GRIN3A: variants seen among roughly 807,000 people sequenced by gnomAD.
GRIN3A encodes glutamate receptor ionotropic, NMDA 3A.
GRIN3A carries 47 observed loss-of-function variants against 92.4 expected under a neutral mutation model. The ratio of observed to expected loss-of-function variants is 0.51; its 90% CI spans 0.40 to 0.65. The LOEUF is 0.65. Ranked by LOEUF, GRIN3A falls within the 30% of genes least tolerant of loss-of-function variation. The probability of loss-of-function intolerance (pLI) is 0.00; values close to 1 mark genes in which losing one functional copy is unlikely to be tolerated. For missense variants in GRIN3A, 1,324 were observed against 1,393.1 expected, an observed-to-expected ratio of 0.95 and a Z score of 0.79; for synonymous variants, 527 against 540.6, an observed-to-expected ratio of 0.97 and a Z score of 0.35.
At chr9:101,680,904 T>C (rs905076527) in intron 2 of GRIN3A, among the ~76,000 whole-genome samples, 1 of 152,170 alleles carries the variant, frequency 6.6e-6, no homozygotes, top group Admixed American at 6.5e-5. Context: ...GGATTCTACA[T>C]CCCAATTAGA....
At chr9:101,729,369 C>T (rs1830114218) in intron 1 of GRIN3A, among the ~76,000 whole-genome samples, 1 of 152,138 alleles carries the variant, frequency 6.6e-6, no homozygotes, top group South Asian at 2.1e-4. Context: ...GGGTGGCATT[C>T]TTTCTGGAGC....
At chr9:101,607,833 G>C (rs1828307447) in intron 6 of GRIN3A, among the ~76,000 whole-genome samples, 1 of 152,202 alleles carries the variant, frequency 6.6e-6, no homozygotes, top group African/African-American at 2.4e-5. Context: ...TTTTCTGGGA[G>C]AAAGTTAAGA....
chr9:101,676,948 A>T (rs1829405175), intron 2 of GRIN3A, among the ~76,000 whole-genome samples: 1 of 151,560 alleles, frequency 6.6e-6, no homozygotes. Flanking sequence ...ATCTACGACG[A>T]ATCTTCTAAT....
chr9:101,710,399 T>G (rs1829864310), intron 1 of GRIN3A, among the ~76,000 whole-genome samples: 1 of 152,204 alleles, frequency 6.6e-6, no homozygotes, highest in Non-Finnish European at 1.5e-5. Flanking sequence ...ATGCAAATAC[T>G]GGTAATCTTT....
At chr9:101,620,173 G>T (rs55889755) in intron 5 of GRIN3A, among the ~76,000 whole-genome samples, 18,326 of 152,096 alleles carry the variant, frequency 0.12, 1,960 homozygotes, top group African/African-American at 0.29. Context: ...AAAAGAAATT[G>T]GTTTCTTATA....
At chr9:101,731,811 A>G (rs1006881833) in intron 1 of GRIN3A, among the ~76,000 whole-genome samples, 4 of 152,180 alleles carry the variant, frequency 2.6e-5, no homozygotes, top group Admixed American at 1.3e-4. Context: ...CTCTTAGCTC[A>G]CCTCTTCCCC....
rs192823168 is a variant in GRIN3A at position 101,580,730 on chromosome 9, G to A, written c.2767-1370C>T. On this transcript the variant is annotated intron_variant, in intron 6 of 8. Transcript: ENST00000361820. ...CTGCCAAGTGTTTTACATTAAAATA[G>A]ATATATAACGTCTATTTTATAACTA... Among the ~76,000 whole-genome samples the A allele has an allele frequency of 2.3e-3, 351 of 152,334 alleles. 1 individual carries two copies. The highest frequency in any genetic ancestry group is 4.3e-3 in the Non-Finnish European group (291 of 68,032).
At chr9:101,674,057 G>T (rs1399806296) in intron 2 of GRIN3A, among the ~76,000 whole-genome samples, 2 of 152,034 alleles carry the variant, frequency 1.3e-5, no homozygotes, top group Non-Finnish European at 2.9e-5. Flanking sequence ...GCTGGGAAAT[G>T]ATGTTGTCAT....
At chr9:101,646,064 A>C (rs1328840367) in intron 3 of GRIN3A, among the ~76,000 whole-genome samples, 1 of 151,702 alleles carries the variant, frequency 6.6e-6, no homozygotes. Flanking sequence ...GTGGTACAGA[A>C]ACCTTTTAGC....
Position 101,579,242 on chromosome 9 carries a change from C to A in GRIN3A, c.2885G>T (p.Arg962Leu). 3.7e-6 allele frequency: 6 copies of A among 1,613,910 alleles called. No individual in the cohort carries two copies. Among genetic ancestry groups the A allele is most frequent in the Non-Finnish European group, 5.1e-6 (6 of 1,179,884 alleles). Residue 962 changes from arginine to leucine, a missense_variant, in exon 7 of 9, where the codon CGA becomes CTA. Transcript: ENST00000361820. ...EHIVYRLLLPRIKNKSKLQYW... is the reference protein window; with the variant it reads ...EHIVYRLLLPLIKNKSKLQYW... Reference sequence around the variant, plus strand: ...TTGCAGCTTGGATTTGTTTTTGATTCGTGGTAGCAGCAGCCTGTATACTAT... The same window carrying A: ...TTGCAGCTTGGATTTGTTTTTGATTAGTGGTAGCAGCAGCCTGTATACTAT...
chr9:101,646,835 C>A (rs1753189005), intron 3 of GRIN3A, among the ~76,000 whole-genome samples: 1 of 151,578 alleles, frequency 6.6e-6, no homozygotes, highest in South Asian at 2.1e-4. Flanking sequence ...CATATAAATG[C>A]TACTAATCTT....
chr9:101,669,004 T>G (rs1829278429), intron 3 of GRIN3A, among the ~76,000 whole-genome samples: 1 of 152,174 alleles, frequency 6.6e-6, no homozygotes, highest in Admixed American at 6.5e-5. Context: ...CCTGTGAATG[T>G]TTTATAATAT....
chr9:101,583,004 T>C (rs1428799164), intron 6 of GRIN3A, among the ~76,000 whole-genome samples: 1 of 152,242 alleles, frequency 6.6e-6, no homozygotes, highest in African/African-American at 2.4e-5. Context: ...GTTATTGTTT[T>C]TAAATTTGGC....
intron 1 of GRIN3A, among the ~76,000 whole-genome samples, chr9:101,721,923 T>A (rs1830017628): frequency 1.3e-5 from 2 of 152,084 alleles, no homozygotes; most frequent in African/African-American, 4.8e-5. Flanking sequence ...AAAAGAAAAA[T>A]CCATTTTTGG....
chr9:101,682,588 A>G (rs904617199), intron 2 of GRIN3A, among the ~76,000 whole-genome samples: 2 of 152,226 alleles, frequency 1.3e-5, no homozygotes, highest in Non-Finnish European at 2.9e-5. Context: ...AGTTCAACAC[A>G]TGGTCATTGG....
At chr9:101,649,754 T>G (rs1377003094) in intron 3 of GRIN3A, among the ~76,000 whole-genome samples, 1 of 152,014 alleles carries the variant, frequency 6.6e-6, no homozygotes, top group Non-Finnish European at 1.5e-5. Context: ...AGAGTTTTGC[T>G]GGGAAACTTT....
intron 6 of GRIN3A, chr9:101,593,256 T>C (rs1335902821): frequency 6.6e-6 from 1 of 152,234 alleles, no homozygotes; most frequent in African/African-American, 2.4e-5. Context: ...AACCACAGGC[T>C]CCGGCTCACC....
At chr9:101,615,352 T>G (rs1172960353) in intron 5 of GRIN3A, among the ~76,000 whole-genome samples, 1 of 150,360 alleles carries the variant, frequency 6.7e-6, no homozygotes, top group African/African-American at 2.4e-5. Flanking sequence ...TATTCTAGCT[T>G]ACAATTCAAT....
chr9:101,702,695 G>A (rs1049986960), intron 1 of GRIN3A, among the ~76,000 whole-genome samples: 1 of 152,030 alleles, frequency 6.6e-6, no homozygotes, highest in Admixed American at 6.5e-5. Flanking sequence ...CTCCATTCTT[G>A]ATATCTCCTT....
Sources: allele counts gnomAD v4.1 joint callset (sites outside exome capture counted in the v4.1 genomes callset), GRCh38; gene constraint gnomAD v4.1.1; transcripts MANE v1.5; gene names NCBI Gene and HGNC (gene_info 2026-07-23, HGNC 2026-07-21).